MSANTD5: variants seen among roughly 807,000 people sequenced by gnomAD.
The protein encoded by MSANTD5 is Myb/SANT DNA binding domain containing 5, also known as uncharacterized protein MSANTD5.
downstream of MSANTD5, among the ~76,000 whole-genome samples, chr5:178,693,283 A>C (rs1370894708): frequency 2.0e-5 from 3 of 152,078 alleles, no homozygotes; most frequent in Non-Finnish European, 4.4e-5. Context: ...ACCATACTCC[A>C]AGCTGGGACA....
the MSANTD5 span, among the ~76,000 whole-genome samples, chr5:178,705,344 C>T: frequency 6.6e-6 from 1 of 152,120 alleles, no homozygotes; most frequent in Non-Finnish European, 1.5e-5. Context: ...CCACGCCCGG[C>T]CTAAGACCTT....
At chr5:178,698,629 G>C (rs1461002005), upstream of MSANTD5, among the ~76,000 whole-genome samples, 14 of 152,072 alleles carry the variant, frequency 9.2e-5, no homozygotes, top group Admixed American at 2.0e-4. Context: ...GCCCAGGCTG[G>C]GGTGCAGTGG....
chr5:178,696,611 G>C (rs1765415629), intron 1 of MSANTD5, among the ~76,000 whole-genome samples: 1 of 152,162 alleles, frequency 6.6e-6, no homozygotes, highest in Non-Finnish European at 1.5e-5. Flanking sequence ...TGGGACAGTG[G>C]AGTGAAGGCA....
chr5:178,701,405 C>A (rs1285627637), upstream of MSANTD5, among the ~76,000 whole-genome samples: 1 of 151,956 alleles, frequency 6.6e-6, no homozygotes, highest in South Asian at 2.1e-4. Flanking sequence ...GCAACAAGGT[C>A]GAATACTGGG....
At chr5:178,704,969 G>A in the MSANTD5 span, among the ~76,000 whole-genome samples, 2 of 152,206 alleles carry the variant, frequency 1.3e-5, no homozygotes, top group African/African-American at 4.8e-5. Context: ...ACAAGGCCTG[G>A]GGGCAGAAGC....
At chr5:178,699,415 T>C (rs1207993574), upstream of MSANTD5, among the ~76,000 whole-genome samples, 1 of 150,264 alleles carries the variant, frequency 6.7e-6, no homozygotes. Flanking sequence ...AAATTACTGA[T>C]AGCCTATTTT....
the MSANTD5 span, among the ~76,000 whole-genome samples, chr5:178,705,441 C>T: frequency 6.6e-6 from 1 of 152,100 alleles, no homozygotes; most frequent in Non-Finnish European, 1.5e-5. Context: ...TCTGGGTCCC[C>T]GTGTCTTCCC....
chr5:178,701,578 A>C (rs1334942026), upstream of MSANTD5, among the ~76,000 whole-genome samples: 3 of 151,106 alleles, frequency 2.0e-5, no homozygotes, highest in Non-Finnish European at 2.9e-5. Context: ...AGGCTGAGGT[A>C]GGAGAATCTC....
chr5:178,702,714 C>T, the MSANTD5 span, among the ~76,000 whole-genome samples: 535 of 152,170 alleles, frequency 3.5e-3, 4 homozygotes, highest in Non-Finnish European at 4.0e-3. Context: ...TCTTCTGCCT[C>T]AGCCTCCCGA....
At chr5:178,702,340 G>A (rs1457144542), upstream of MSANTD5, among the ~76,000 whole-genome samples, 11 of 135,686 alleles carry the variant, frequency 8.1e-5, no homozygotes, top group African/African-American at 1.1e-4. Context: ...TCTCTCTGTC[G>A]CCCAGGCTGG....
the MSANTD5 span, among the ~76,000 whole-genome samples, chr5:178,706,425 C>A: frequency 6.6e-6 from 1 of 152,082 alleles, no homozygotes; most frequent in Non-Finnish European, 1.5e-5. Context: ...CACTGCGGCT[C>A]TGCTGGGATG....
At chr5:178,705,683 A>G in the MSANTD5 span, among the ~76,000 whole-genome samples, 20 of 152,066 alleles carry the variant, frequency 1.3e-4, no homozygotes, top group Middle Eastern at 3.4e-3. Context: ...TTGGCTGGGC[A>G]TGGTGGCTCA....
upstream of MSANTD5, among the ~76,000 whole-genome samples, chr5:178,699,633 A>G (rs1581734687): frequency 6.6e-6 from 1 of 151,606 alleles, no homozygotes; most frequent in Non-Finnish European, 1.5e-5. Context: ...CTGGTCTTGA[A>G]CTCCCGGCCT....
chr5:178,696,427 C>T (rs4351160), intron 1 of MSANTD5, among the ~76,000 whole-genome samples: 38,150 of 151,810 alleles, frequency 0.25, 5,849 homozygotes, highest in African/African-American at 0.43. Flanking sequence ...TGTTTCACCT[C>T]GTTAGTCAGG....
upstream of MSANTD5, among the ~76,000 whole-genome samples, chr5:178,701,629 G>A (rs1036751931): frequency 8.4e-4 from 126 of 149,434 alleles, no homozygotes; most frequent in African/African-American, 2.8e-3. Context: ...ACAAGATTGC[G>A]CCACTGCACT....
chr5:178,705,124 C>G, the MSANTD5 span, among the ~76,000 whole-genome samples: 1 of 152,086 alleles, frequency 6.6e-6, no homozygotes. Flanking sequence ...TCTTGGCTCA[C>G]TACAGCCTCT....
downstream of MSANTD5, among the ~76,000 whole-genome samples, chr5:178,694,103 G>C (rs1765385024): frequency 6.6e-6 from 1 of 151,884 alleles, no homozygotes; most frequent in African/African-American, 2.4e-5. Context: ...GATCACCTGA[G>C]GTCAGGAGTT....
At chr5:178,700,313 G>A (rs191764231), upstream of MSANTD5, among the ~76,000 whole-genome samples, 45 of 152,264 alleles carry the variant, frequency 3.0e-4, no homozygotes, top group Admixed American at 9.8e-4. Flanking sequence ...GGTGAATCCC[G>A]TGATAGGACA....
downstream of MSANTD5, among the ~76,000 whole-genome samples, chr5:178,692,455 G>C (rs1372925467): frequency 6.6e-6 from 1 of 151,152 alleles, no homozygotes; most frequent in Non-Finnish European, 1.5e-5. Flanking sequence ...TATCCCAAAG[G>C]AAGTCTTGTG....
Sources: gnomAD v4.1 joint callset for allele counts (sites outside exome capture counted in the v4.1 genomes callset) on GRCh38, gnomAD v4.1.1 for gene constraint, MANE v1.5 for transcripts, NCBI Gene and HGNC (gene_info 2026-07-23, HGNC 2026-07-21) for gene names.